Variants in PRSS56 observed in about 807,000 individuals in gnomAD.
The protein encoded by PRSS56 is serine protease 56, also known as protease, serine 56.
PRSS56 carries 55 observed loss-of-function variants against 66.8 expected under a neutral mutation model. The ratio of observed to expected loss-of-function variants is 0.82; its 90% CI spans 0.66 to 1.03. The LOEUF (loss-of-function observed/expected upper bound fraction) is 1.03. Among genes scored for constraint, PRSS56 ranks in the 50% least tolerant of loss-of-function variants. PRSS56 has a pLI of 0.00. For synonymous variants in PRSS56, 409 were observed against 387.9 expected (o/e 1.05, Z -0.64); for missense variants, 869 against 837.2 (o/e 1.04, Z -0.47).
In PRSS56 at chr2:232,523,593, T is replaced by G; in HGVS notation, c.1012+15T>G. Reference sequence around the variant, plus strand: ...GCAGATGAGCGGTGAGCGCCCTCTTTCCAATGCCCCGTCCCCAGTGCCCCA... The same window carrying G: ...GCAGATGAGCGGTGAGCGCCCTCTTGCCAATGCCCCGTCCCCAGTGCCCCA... On this transcript the variant is annotated intron_variant, in intron 8 of 12. Transcript: ENST00000617714. The G allele has an allele frequency of 6.6e-7, 1 of 1,514,216 alleles. No individual in the cohort carries two copies. Among genetic ancestry groups the G allele is most frequent in the Non-Finnish European group, 8.8e-7 (1 of 1,136,986 alleles). 93.8% of individuals were successfully genotyped at this position (1,514,216 alleles called of 1,614,324 possible).
At position 232,522,410 on chromosome 2, in the gene PRSS56, C is replaced by G. The variant is rs1289447713; in HGVS notation, c.447-105C>G. On this transcript the variant is annotated intron_variant, in intron 4 of 12. Coordinates refer to ENST00000617714, the MANE Select transcript of PRSS56 (RefSeq NM_001195129.2). ...CCTCCCCGGCCCGCCCTCCGTGCCC[C>G]CAGGTGGAGAAAGCCCGGCATGCGG... is the stretch of plus-strand genomic sequence containing the variant. 6.4e-6 allele frequency: 7 copies of G among 1,098,970 alleles called. No homozygotes were observed. In the South Asian group the frequency reaches 1.2e-4, roughly 19 times the overall value. The allele number at this position is 1,098,970 out of a possible 1,614,324, so 68.1% of individuals were successfully genotyped here. A position where few individuals can be genotyped will look rare whatever the true frequency, so the allele number is the denominator to read the frequency against.
In PRSS56 at chr2:232,525,685, C is replaced by T. The variant is rs1691418780; in HGVS notation, c.*179C>T. The stretch of plus-strand genomic sequence containing the variant: ...GTTTACAATCAGAGAATCACAGCTG[C>T]TTTAATAAATGTTATTTATAATACA... On this transcript the variant is annotated 3_prime_UTR_variant, in exon 13 of 13. Transcript: ENST00000617714. The T allele has an allele frequency of 3.7e-6, 2 of 543,058 alleles. No homozygotes were observed. Among genetic ancestry groups the T allele is most frequent in the Non-Finnish European group, 6.3e-6 (2 of 316,952 alleles). The allele number at this position is 543,058 out of a possible 1,614,324, so 33.6% of individuals were successfully genotyped here.
Position 232,523,399 on chromosome 2 carries a change from C to G in PRSS56, c.850-17C>G. 7.0e-7 allele frequency: 1 copy of G among 1,435,552 alleles called. No individual in the cohort carries two copies. The allele number at this position is 1,435,552 out of a possible 1,614,324, so 88.9% of individuals were successfully genotyped here. A position where few individuals can be genotyped will look rare whatever the true frequency, so the allele number is the denominator to read the frequency against. ...AGGGGGCAGGTGAATGCAGCGTCCT[C>G]TCTCTTGGCCCCGCAGGGTGACTCG... On this transcript the variant is annotated splice_polypyrimidine_tract_variant and intron_variant, in intron 7 of 12. Transcript: ENST00000617714.
Position 232,520,822 on chromosome 2 carries a change from C to T in PRSS56, c.97+127C>T, listed in dbSNP as rs547415635. On this transcript the variant is annotated intron_variant, in intron 1 of 12. Transcript: ENST00000617714. The stretch of plus-strand genomic sequence containing the variant: ...AGGACCTTTGGCTCCTTCTGCCCAC[C>T]CTGCTGCGAGAAGGGGCCAAGAACT... 95 of 617,346 alleles carry T rather than the reference C, an allele frequency of 1.5e-4. No homozygotes were observed. The East Asian group carries it at 2.6e-3, about 17-fold the overall frequency. The allele number at this position is 617,346 out of a possible 1,614,324, so 38.2% of individuals were successfully genotyped here. A position where few individuals can be genotyped will look rare whatever the true frequency, so the allele number is the denominator to read the frequency against.
At position 232,520,553 on chromosome 2, in the gene PRSS56, G is replaced by C. The variant is rs1039337390; in HGVS notation, c.-46G>C. On this transcript the variant is annotated 5_prime_UTR_variant, in exon 1 of 13. Coordinates refer to ENST00000617714, the MANE Select transcript of PRSS56 (RefSeq NM_001195129.2). ...GATAGGCACCCGGAAGGTGGACTCC[G>C]AGGAGGAGAGAGGACAGGGGTCTCT... 1.0e-5 allele frequency: 15 copies of C among 1,474,996 alleles called. No individual in the cohort carries two copies. Among genetic ancestry groups the C allele is most frequent in the Non-Finnish European group, 1.4e-5 (15 of 1,091,306 alleles). 91.4% of individuals were successfully genotyped at this position (1,474,996 alleles called of 1,614,324 possible). A position where few individuals can be genotyped will look rare whatever the true frequency, so the allele number is the denominator to read the frequency against.
Position 232,525,568 on chromosome 2 carries a change from C to A in PRSS56, c.*62C>A. ...CTGCTCCCAGGGGCTGAGAGGGGTT[C>A]GGGAGCATAATGACAAACTGTCGCT... is the stretch of plus-strand genomic sequence containing the variant. On this transcript the variant is annotated 3_prime_UTR_variant, in exon 13 of 13. Transcript: ENST00000617714. 1 of 1,073,586 alleles carries A rather than the reference C, an allele frequency of 9.3e-7. No homozygotes were observed. Among genetic ancestry groups the A allele is most frequent in the South Asian group, 1.8e-5 (1 of 55,770 alleles). 66.5% of individuals were successfully genotyped at this position (1,073,586 alleles called of 1,614,324 possible).
Position 232,525,263 on chromosome 2 carries a change from C to A in PRSS56, c.1569C>A (p.Ala523=). ...GSKTLTGLFR[A]WVRAGLGGRH... is the part of the protein sequence containing the mutation. ...AGACACTGACCGGGCTTTTCAGAGC[C>A]TGGGTGCGGGCAGGCTTGGGGGGCC... The change falls in exon 13 of 13, where the codon GCC becomes GCA. Residue 523 remains alanine (A), a synonymous_variant. Coordinates refer to ENST00000617714, the MANE Select transcript of PRSS56 (RefSeq NM_001195129.2). 2 of 1,517,880 alleles carry A rather than the reference C, an allele frequency of 1.3e-6. No individual in the cohort carries two copies. The allele number at this position is 1,517,880 out of a possible 1,614,324, so 94.0% of individuals were successfully genotyped here.
In PRSS56 at chr2:232,522,790, T is replaced by A. The variant is rs1691311474; in HGVS notation, c.635T>A (p.Leu212Gln). Reference protein sequence around the residue: ...SPGGSARPVCLPQEPQEPPAG... With the variant: ...SPGGSARPVCQPQEPQEPPAG... ...GGGGGATCGGCGCGCCCCGTGTGCCTGCCCCAGGAGCCCCAGGAGCCCCCT... is the reference window on the plus strand; with the variant it reads ...GGGGGATCGGCGCGCCCCGTGTGCCAGCCCCAGGAGCCCCAGGAGCCCCCT... The change falls in exon 6 of 13, where the codon CTG (leucine) becomes CAG (glutamine). Residue 212 changes from leucine to glutamine, a missense_variant. Leu to Gln is a moderately radical substitution (Grantham distance 113, BLOSUM62 -2). This residue lies in a region of PRSS56 where 315 missense variants were observed against 313.7 expected (regional missense o/e 1.00). Coordinates refer to ENST00000617714, the MANE Select transcript of PRSS56 (RefSeq NM_001195129.2). 2.6e-6 allele frequency: 4 copies of A among 1,514,274 alleles called. No homozygotes were observed. The highest frequency in any genetic ancestry group is 2.8e-5 in the African/African-American group (2 of 72,558). The allele number at this position is 1,514,274 out of a possible 1,614,324, so 93.8% of individuals were successfully genotyped here.
intron 10 of PRSS56, 22 bp from the exon 11 acceptor site, chr2:232,524,285 C>T (rs779714590): frequency 3.3e-6 from 5 of 1,535,678 alleles, no homozygotes; most frequent in East Asian, 2.4e-5. Flanking sequence ...CGAGGCGGTA[C>T]CCTAACCCTG....
intron 3 of PRSS56, 42 bp downstream of exon 3, chr2:232,521,908 G>C (rs1156304884): frequency 1.3e-6 from 2 of 1,529,260 alleles, no homozygotes; most frequent in Admixed American, 4.0e-5. Context: ...TGAGAGCCGG[G>C]TGGGCCTCGA....
chr2:232,520,734 G>A (rs1398186666), intron 1 of PRSS56, 39 bp downstream of exon 1: 10 of 1,378,914 alleles, frequency 7.3e-6, no homozygotes, highest in Admixed American at 2.0e-5. Flanking sequence ...GGGTTGGGAG[G>A]AATGTAGAGG....
Position 232,520,477 on chromosome 2 carries a change from C to A in PRSS56, c.-122C>A, listed in dbSNP as rs1158334247. 1.3e-6 allele frequency: 1 copy of A among 777,426 alleles called. No homozygotes were observed. Among genetic ancestry groups the A allele is most frequent in the Non-Finnish European group, 2.2e-6 (1 of 457,388 alleles). 48.2% of individuals were successfully genotyped at this position (777,426 alleles called of 1,614,324 possible). The stretch of plus-strand genomic sequence containing the variant: ...GAACGGGGTCAGATGATTTGAGGGA[C>A]AAGAATTCAGTGCCCGGGGGCCGAA... On this transcript the variant is annotated 5_prime_UTR_variant, in exon 1 of 13. Transcript: ENST00000617714.
At chr2:232,521,922 C>A (rs1406031166) in intron 3 of PRSS56, 49 bp from the exon 4 acceptor site, 20 of 1,524,158 alleles carry the variant, frequency 1.3e-5, no homozygotes, top group Non-Finnish European at 1.7e-5. Flanking sequence ...GCCTCGAAGG[C>A]GAGGATGGCC....
Position 232,520,548 on chromosome 2 carries a change from A to T in PRSS56, c.-51A>T. ...CAAAGGATAGGCACCCGGAAGGTGG[A>T]CTCCGAGGAGGAGAGAGGACAGGGG... is the stretch of plus-strand genomic sequence containing the variant. On this transcript the variant is annotated 5_prime_UTR_variant, in exon 1 of 13. Transcript: ENST00000617714. 2.1e-6 allele frequency: 3 copies of T among 1,443,634 alleles called. No individual in the cohort carries two copies. Among genetic ancestry groups the T allele is most frequent in the Non-Finnish European group, 2.8e-6 (3 of 1,062,798 alleles). The allele number at this position is 1,443,634 out of a possible 1,614,324, so 89.4% of individuals were successfully genotyped here. A position where few individuals can be genotyped will look rare whatever the true frequency, so the allele number is the denominator to read the frequency against.
intron 9 of PRSS56, 46 bp downstream of exon 9, chr2:232,523,991 G>C (rs553957302): frequency 6.6e-7 from 1 of 1,524,212 alleles, no homozygotes; most frequent in Non-Finnish European, 8.8e-7. Flanking sequence ...GAGGGGAGGG[G>C]GCCTGGCCAG....
Position 232,523,822 on chromosome 2 carries a change from C to G in PRSS56, c.1063C>G (p.Pro355Ala). Residue 355 changes from proline (P) to alanine (A), a missense_variant, in exon 9 of 13, where the codon CCC (proline) becomes GCC (alanine). By Grantham distance (27) the Pro-to-Ala change is conservative (BLOSUM62 -1). This residue lies in a region of PRSS56 where 551 missense variants were observed against 506.9 expected (regional missense o/e 1.09). Coordinates refer to ENST00000617714, the MANE Select transcript of PRSS56 (RefSeq NM_001195129.2). ...SCRELLAWDP[P>A]QELQADAARL... ...CAGGGAGCTTCTGGCCTGGGACCCC[C>G]CCCAGGAGCTGCAGGCAGACGCCGC... 2.0e-6 allele frequency: 3 copies of G among 1,533,644 alleles called. No homozygotes were observed. Among genetic ancestry groups the G allele is most frequent in the Non-Finnish European group, 2.6e-6 (3 of 1,146,466 alleles).
At chr2:232,523,357 C>A (rs1013747540) in intron 7 of PRSS56, 59 bp from the exon 8 acceptor site, 80 of 1,426,192 alleles carry the variant, frequency 5.6e-5, no homozygotes, top group Non-Finnish European at 6.9e-5. Context: ...ACCTGCCAGG[C>A]GTAAGGCAGG....
chr2:232,523,274 CGTCT>C (rs1357693146), intron 7 of PRSS56, 72 bp downstream of exon 7: 115 of 1,421,832 alleles, frequency 8.1e-5, no homozygotes, highest in African/African-American at 1.3e-4. Flanking sequence ...TTTCCTTCCA[CGTCT>C]GTCTGTCACT....
Position 232,522,014 on chromosome 2 carries a change from G to A in PRSS56, c.300G>A (p.Arg100=). ...ERRPSTANVT[R]AHGRIVGGSA... Reference sequence around the variant, plus strand: ...GTCCGAGCACTGCCAATGTGACGCGGGCCCACGGCCGCATCGTGGGGGGCA... The same window carrying A: ...GTCCGAGCACTGCCAATGTGACGCGAGCCCACGGCCGCATCGTGGGGGGCA... Residue 100 remains arginine (R), a synonymous_variant, in exon 4 of 13, where the codon CGG becomes CGA. Coordinates refer to ENST00000617714, the MANE Select transcript of PRSS56 (RefSeq NM_001195129.2). 1 of 1,454,248 alleles carries A rather than the reference G, an allele frequency of 6.9e-7. No individual in the cohort carries two copies. Among genetic ancestry groups the A allele is most frequent in the Non-Finnish European group, 9.0e-7 (1 of 1,109,706 alleles). 90.1% of individuals were successfully genotyped at this position (1,454,248 alleles called of 1,614,324 possible).
Sources: allele counts gnomAD v4.1 joint callset, GRCh38; gene constraint gnomAD v4.1.1; regional missense constraint gnomAD v4.1.1; transcripts MANE v1.5; gene names NCBI Gene and HGNC (gene_info 2026-07-23, HGNC 2026-07-21).